ILDR1: variants seen among roughly 807,000 people sequenced by gnomAD.
The protein encoded by ILDR1 is immunoglobulin-like domain-containing receptor 1.
ILDR1 carries 56 observed loss-of-function variants against 62.4 expected under a neutral mutation model. The observed-to-expected ratio is 0.90, with a 90% CI of 0.72 to 1.12. The LOEUF (loss-of-function observed/expected upper bound fraction) is 1.12. Among genes scored for constraint, ILDR1 ranks in the 50% most tolerant of loss-of-function variants. The pLI, the probability that ILDR1 is intolerant of heterozygous loss-of-function variation, is 0.00. For missense variants in ILDR1, 736 were observed against 710.6 expected (o/e 1.04, Z -0.41); for synonymous variants, 284 against 277.8 (o/e 1.02, Z -0.22).
the ILDR1 span, among the ~76,000 whole-genome samples, chr3:122,039,056 GA>G: frequency 6.6e-6 from 1 of 151,196 alleles, no homozygotes; most frequent in Admixed American, 6.6e-5. Flanking sequence ...CAGATATGCA[GA>G]GAGGAAAAAG....
chr3:122,017,432 A>G (rs1282064005), intron 1 of ILDR1, among the ~76,000 whole-genome samples: 1 of 152,244 alleles, frequency 6.6e-6, no homozygotes, highest in Non-Finnish European at 1.5e-5. Context: ...TGGTAAAAGA[A>G]ACCCAGGTAG....
chr3:122,006,024 T>C (rs1385215776), intron 2 of ILDR1, among the ~76,000 whole-genome samples: 1 of 152,176 alleles, frequency 6.6e-6, no homozygotes, highest in South Asian at 2.1e-4. Context: ...CTCTCCTCCC[T>C]GGCCACTTAA....
chr3:122,057,199 C>T, the ILDR1 span, among the ~76,000 whole-genome samples: 2 of 152,140 alleles, frequency 1.3e-5, no homozygotes, highest in African/African-American at 2.4e-5. Flanking sequence ...TGATACATAT[C>T]AAAAGCCTTT....
chr3:121,993,639 G>T lies in ILDR1; in HGVS notation c.1110C>A (p.His370Gln). The T allele has an allele frequency of 6.2e-7, 1 of 1,614,226 alleles. No individual in the cohort carries two copies. The highest frequency in any genetic ancestry group is 8.5e-7 in the Non-Finnish European group (1 of 1,180,044). Reference sequence around the variant, plus strand: ...CCTGGTGGAAATCAGGGTAATGGTGGTGGCTTCTCCCCTCCCTCAGATCCC... The same window carrying T: ...CCTGGTGGAAATCAGGGTAATGGTGTTGGCTTCTCCCCTCCCTCAGATCCC... ...RPWDLREGRS[H>Q]HHYPDFHQEL... Residue 370 changes from histidine (H) to glutamine (Q), a missense_variant, in exon 7 of 8, where the codon CAC becomes CAA. Physicochemically the swap from His to Gln is conservative, Grantham distance 24. Transcript: ENST00000344209.
chr3:121,989,893 G>A (rs373233279), intron 7 of ILDR1, among the ~76,000 whole-genome samples: 72 of 152,260 alleles, frequency 4.7e-4, no homozygotes, highest in African/African-American at 1.6e-3. Flanking sequence ...GAGAGAGAAG[G>A]TTCCACATGA....
intron 1 of ILDR1, among the ~76,000 whole-genome samples, chr3:122,011,471 G>T (rs143107386): frequency 5.8e-4 from 88 of 152,000 alleles, no homozygotes; most frequent in Non-Finnish European, 9.9e-4. Flanking sequence ...TGACTTTGCT[G>T]CTTGGGTACT....
chr3:122,005,440 C>A (rs755788174), intron 2 of ILDR1, 47 bp from the exon 3 acceptor site: 1 of 1,602,198 alleles, frequency 6.2e-7, no homozygotes, highest in Admixed American at 1.7e-5. Flanking sequence ...AGGGGGTTCC[C>A]ACAAAAAAAA....
intron 1 of ILDR1, among the ~76,000 whole-genome samples, chr3:122,009,490 G>A (rs1308473719): frequency 1.3e-5 from 2 of 152,176 alleles, no homozygotes; most frequent in African/African-American, 4.8e-5. Flanking sequence ...GATAGTGCTA[G>A]CCTTATCAGG....
At position 122,022,220 on chromosome 3, in the gene ILDR1, C is replaced by T. The variant is rs1576740314; in HGVS notation, c.-143G>A. 4.3e-6 allele frequency: 3 copies of T among 697,912 alleles called. No homozygotes were observed. Among genetic ancestry groups the T allele is most frequent in the East Asian group, 6.1e-5 (2 of 32,542 alleles). 43.2% of individuals were successfully genotyped at this position (697,912 alleles called of 1,614,324 possible). ...CTCGGCGCAGCGGGGAGGGAGCGTC[C>T]GCTCTGGTCCCGGGGCAGGTGCCGC... On this transcript the variant is annotated 5_prime_UTR_variant, in exon 1 of 8. Transcript: ENST00000344209.
At chr3:122,004,498 T>C (rs985276916) in intron 3 of ILDR1, among the ~76,000 whole-genome samples, 2 of 152,210 alleles carry the variant, frequency 1.3e-5, no homozygotes, top group African/African-American at 4.8e-5. Flanking sequence ...CCCAGGTTCA[T>C]ATACCCTGTA....
chr3:121,999,926 T>C (rs1213664841), intron 5 of ILDR1, among the ~76,000 whole-genome samples: 2 of 152,238 alleles, frequency 1.3e-5, no homozygotes, highest in East Asian at 1.9e-4. Flanking sequence ...CCTTATCTTA[T>C]GTAAAATATA....
At chr3:121,999,274 T>G (rs1049647448) in intron 5 of ILDR1, among the ~76,000 whole-genome samples, 1 of 152,222 alleles carries the variant, frequency 6.6e-6, no homozygotes, top group African/African-American at 2.4e-5. Flanking sequence ...AGTCATTACA[T>G]TTTCCTGAAT....
At chr3:121,995,428 G>T (rs1232035886) in intron 5 of ILDR1, among the ~76,000 whole-genome samples, 1 of 152,212 alleles carries the variant, frequency 6.6e-6, no homozygotes, top group African/African-American at 2.4e-5. Flanking sequence ...GCCACATAGG[G>T]TGTAGGGTTT....
the ILDR1 span, among the ~76,000 whole-genome samples, chr3:122,042,034 T>C: frequency 7.8e-6 from 1 of 128,436 alleles, no homozygotes; most frequent in Non-Finnish European, 1.6e-5. Context: ...TCATCTAGCA[T>C]TAGGTATATC....
At chr3:122,020,451 T>G (rs777855853) in intron 1 of ILDR1, among the ~76,000 whole-genome samples, 52 of 152,332 alleles carry the variant, frequency 3.4e-4, no homozygotes, top group Admixed American at 2.2e-3. Context: ...AATAGCTATT[T>G]CCCCTCCAAG....
the ILDR1 span, among the ~76,000 whole-genome samples, chr3:122,054,297 C>T: frequency 6.6e-6 from 1 of 151,998 alleles, no homozygotes. Flanking sequence ...TGTTTTCAGC[C>T]ATGGCTTCTC....
intron 1 of ILDR1, among the ~76,000 whole-genome samples, chr3:122,010,562 A>G (rs115251799): frequency 0.052 from 7,965 of 152,020 alleles, 310 homozygotes; most frequent in Middle Eastern, 0.071. Context: ...TTCTTAATCT[A>G]ATTTTTGGTT....
the ILDR1 span, among the ~76,000 whole-genome samples, chr3:122,046,385 C>T: frequency 6.6e-6 from 1 of 150,742 alleles, no homozygotes; most frequent in African/African-American, 2.4e-5. Flanking sequence ...GTGAATCTGA[C>T]AATTATGTGT....
the ILDR1 span, among the ~76,000 whole-genome samples, chr3:122,037,898 T>C: frequency 3.9e-5 from 6 of 152,140 alleles, no homozygotes; most frequent in Non-Finnish European, 8.8e-5. Context: ...TGATGTATGA[T>C]GGCTTAAAAG....
Sources: gnomAD v4.1 joint callset for allele counts (sites outside exome capture counted in the v4.1 genomes callset) on GRCh38, gnomAD v4.1.1 for gene constraint, MANE v1.5 for transcripts, NCBI Gene and HGNC (gene_info 2026-07-23, HGNC 2026-07-21) for gene names.